The following PARD3 variants were observed in gnomAD, a reference collection of about 807,000 sequenced individuals.
The protein encoded by PARD3 is par-3 family cell polarity regulator, also known as partitioning defective 3 homolog.
PARD3 carries 75 observed loss-of-function variants against 155.4 expected under a neutral mutation model. The ratio of observed to expected loss-of-function variants is 0.48; its 90% confidence interval spans 0.40 to 0.58. The LOEUF (loss-of-function observed/expected upper bound fraction) is 0.58, where lower values mean the gene tolerates loss of function less well. Ranked by LOEUF, PARD3 falls within the 20% of genes least tolerant of loss-of-function variation. The pLI, the probability that PARD3 is intolerant of heterozygous loss-of-function variation, is 0.00. For synonymous variants in PARD3, 576 were observed against 610.5 expected, an observed-to-expected ratio of 0.94 and a Z score of 0.83; for missense variants, 1,642 against 1,721.7, an observed-to-expected ratio of 0.95 and a Z score of 0.82.
chr10:34,181,603 C>A (rs1185138272), intron 22 of PARD3, among the ~76,000 whole-genome samples: 2 of 152,112 alleles, frequency 1.3e-5, no homozygotes, highest in African/African-American at 4.8e-5. Context: ...GATACATACA[C>A]AGTTTTCTAT....
chr10:34,523,632 G>A (rs1437600107), intron 2 of PARD3, among the ~76,000 whole-genome samples: 1 of 152,196 alleles, frequency 6.6e-6, no homozygotes, highest in Admixed American at 6.5e-5. Context: ...TTTGAGAGAT[G>A]ACAGGGAGAT....
chr10:34,606,194 GTGTGT>G (rs1482432960), intron 2 of PARD3, among the ~76,000 whole-genome samples: 7 of 98,862 alleles, frequency 7.1e-5, no homozygotes, highest in African/African-American at 2.5e-4. Flanking sequence ...GTGTGTGTGT[GTGTGT>G]GTGTGTGTGT....
At position 34,624,164 on chromosome 10, in the gene PARD3, G is replaced by A. The variant is rs10082362; in HGVS notation, c.222+72154C>T. Among the ~76,000 whole-genome samples the A allele has an allele frequency of 5.9e-5, 9 of 152,162 alleles. No homozygotes were observed. The East Asian group carries it at 1.2e-3, about 20-fold the overall frequency. On this transcript the variant is annotated intron_variant, in intron 2 of 24. Transcript: ENST00000374788. ...CTAGAATCCTTCAGTGAAGAACTGC[G>A]TTTCATGACTGCATGCGTCTCCCAC...
At chr10:34,358,610 T>C (rs190995344) in intron 14 of PARD3, among the ~76,000 whole-genome samples, 1 of 152,276 alleles carries the variant, frequency 6.6e-6, no homozygotes, top group East Asian at 1.9e-4. Flanking sequence ...GGAGAATCCC[T>C]TGAGCCCAGA....
intron 22 of PARD3, among the ~76,000 whole-genome samples, chr10:34,168,638 T>G (rs1037788502): frequency 3.9e-5 from 6 of 152,178 alleles, no homozygotes; most frequent in African/African-American, 1.2e-4. Context: ...CGCGAAGGAT[T>G]CATTGGCTCT....
chr10:34,262,523 C>T (rs1313086052), intron 22 of PARD3, among the ~76,000 whole-genome samples: 1 of 152,192 alleles, frequency 6.6e-6, no homozygotes, highest in Non-Finnish European at 1.5e-5. Flanking sequence ...ATCTCTGCTT[C>T]CCAAAATGTG....
chr10:34,665,990 G>A (rs1297158999), intron 2 of PARD3, among the ~76,000 whole-genome samples: 1 of 151,874 alleles, frequency 6.6e-6, no homozygotes, highest in Non-Finnish European at 1.5e-5. Context: ...AAGGCAAGGG[G>A]CTTACTTGAA....
intron 22 of PARD3, among the ~76,000 whole-genome samples, chr10:34,227,638 CTAAA>C (rs908369059): frequency 5.9e-5 from 9 of 151,896 alleles, no homozygotes; most frequent in Admixed American, 3.3e-4. Context: ...AACTCTGTCT[CTAAA>C]TAAATAAATA....
At chr10:34,150,539 C>T (rs1377048776) in intron 22 of PARD3, among the ~76,000 whole-genome samples, 1 of 152,174 alleles carries the variant, frequency 6.6e-6, no homozygotes, top group Non-Finnish European at 1.5e-5. Flanking sequence ...AAGTCGGGAT[C>T]TCGTGGGATG....
At position 34,699,194 on chromosome 10, in the gene PARD3, T is replaced by C. The variant is rs184777892; in HGVS notation, c.121-2775A>G. On this transcript the variant is annotated intron_variant, in intron 1 of 24. Coordinates refer to ENST00000374788, the MANE Select transcript of PARD3 (RefSeq NM_001184785.2). Reference sequence around the variant, plus strand: ...GCTATGCCAAGCAATCATGATAACATCATGCCAAGGCAAATATCAGGCTGC... The same window carrying C: ...GCTATGCCAAGCAATCATGATAACACCATGCCAAGGCAAATATCAGGCTGC... Among the ~76,000 whole-genome samples the C allele has an allele frequency of 1.2e-4, 18 of 152,248 alleles. No homozygotes were observed. In the East Asian group the frequency reaches 3.3e-3, roughly 28 times the overall value.
intron 1 of PARD3, among the ~76,000 whole-genome samples, chr10:34,747,458 TA>T (rs1049163470): frequency 6.6e-6 from 1 of 152,138 alleles, no homozygotes; most frequent in African/African-American, 2.4e-5. Context: ...TCTCCTACTT[TA>T]AAAAAAGAAA....
chr10:34,272,109 T>C (rs747390744), intron 21 of PARD3, among the ~76,000 whole-genome samples: 1 of 151,952 alleles, frequency 6.6e-6, no homozygotes, highest in Non-Finnish European at 1.5e-5. Flanking sequence ...GAGATAACCA[T>C]AGGCAAAAAG....
chr10:34,415,035 C>T (rs1845526712), intron 5 of PARD3, among the ~76,000 whole-genome samples: 1 of 152,078 alleles, frequency 6.6e-6, no homozygotes. Context: ...AAAATCAATG[C>T]AAGGAACAGA....
At chr10:34,509,758 AAAAC>A (rs2081292104) in intron 3 of PARD3, among the ~76,000 whole-genome samples, 2 of 152,208 alleles carry the variant, frequency 1.3e-5, no homozygotes, top group African/African-American at 2.4e-5. Flanking sequence ...GCAAAATTAA[AAAAC>A]AAACAACAAA....
intron 5 of PARD3, among the ~76,000 whole-genome samples, chr10:34,426,444 G>C (rs1373297574): frequency 2.0e-5 from 3 of 152,008 alleles, no homozygotes; most frequent in Non-Finnish European, 4.4e-5. Flanking sequence ...TTTGGAGAAT[G>C]GTATTTTTTT....
At chr10:34,751,125 G>C (rs1250415324) in intron 1 of PARD3, among the ~76,000 whole-genome samples, 1 of 152,086 alleles carries the variant, frequency 6.6e-6, no homozygotes, top group Non-Finnish European at 1.5e-5. Flanking sequence ...ATGTGTCTCA[G>C]GGAAGCTGCT....
chr10:34,595,893 A>C (rs777648310), intron 2 of PARD3, among the ~76,000 whole-genome samples: 1 of 152,166 alleles, frequency 6.6e-6, no homozygotes, highest in Non-Finnish European at 1.5e-5. Context: ...TTGGGAGGCC[A>C]ACGTGGGAGG....
chr10:34,145,225 T>C (rs887656598), intron 22 of PARD3, among the ~76,000 whole-genome samples: 5 of 85,512 alleles, frequency 5.8e-5, no homozygotes, highest in Admixed American at 2.1e-4. Flanking sequence ...ATATATATTT[T>C]TTTTTTTTTT....
intron 22 of PARD3, among the ~76,000 whole-genome samples, chr10:34,218,356 A>G (rs1952109750): frequency 6.6e-6 from 1 of 152,218 alleles, no homozygotes; most frequent in South Asian, 2.1e-4. Flanking sequence ...GAAAAATCTC[A>G]TAATCAACTT....
Sources: allele counts gnomAD v4.1 joint callset (sites outside exome capture counted in the v4.1 genomes callset), GRCh38; gene constraint gnomAD v4.1.1; transcripts MANE v1.5; gene names NCBI Gene and HGNC (gene_info 2026-07-23, HGNC 2026-07-21).